Variants in TVP23C observed in about 807,000 individuals in gnomAD.
TVP23C encodes trans-golgi network vesicle protein 23 homolog C, also known as Golgi apparatus membrane protein TVP23 homolog C.
In TVP23C, 19 loss-of-function variants were observed where a neutral mutation model predicts 28.7. The ratio of observed to expected loss-of-function variants is 0.66; its 90% confidence interval spans 0.46 to 0.97. TVP23C has a LOEUF of 0.97. Among genes scored for constraint, TVP23C ranks in the 50% least tolerant of loss-of-function variants. The probability of loss-of-function intolerance (pLI) is 0.00; values close to 1 mark genes in which losing one functional copy is unlikely to be tolerated. For missense variants in TVP23C, 186 were observed against 241.3 expected, an observed-to-expected ratio of 0.77 and a Z score of 1.52; for synonymous variants, 68 against 81.7, an observed-to-expected ratio of 0.83 and a Z score of 0.90.
chr17:15,538,398 G>A lies in TVP23C; in HGVS notation c.*2014C>T, dbSNP rs568898425. ...GAGGTCAGGAGATCGAGACCCTCCT[G>A]GCTAACACAGTGAAACCCCGTCTCT... On this transcript the variant is annotated 3_prime_UTR_variant, in exon 6 of 6. Coordinates refer to ENST00000518321, the MANE Select transcript of TVP23C (RefSeq NM_001135036.2). The A allele has an allele frequency of 3.7e-6, 3 of 815,208 alleles. No homozygotes were observed. The highest frequency in any genetic ancestry group is 5.6e-5 in the South Asian group (1 of 17,926). The allele number at this position is 815,208 out of a possible 1,614,324, so 50.5% of individuals were successfully genotyped here.
intron 5 of TVP23C, among the ~76,000 whole-genome samples, chr17:15,541,792 T>C (rs1009121013): frequency 7.9e-5 from 12 of 152,188 alleles, no homozygotes; most frequent in Non-Finnish European, 1.5e-5. Flanking sequence ...TAAAACTGTG[T>C]ATTTATTTGA....
rs1191178559 is a variant in TVP23C at position 15,551,596 on chromosome 17, G to A, written c.240+2089C>T. ...AGCCTATCCAACCCTCTGCCCACAG[G>A]CCTCATGCTGCCCAGGACAGCTTTG... is the stretch of plus-strand genomic sequence containing the variant. On this transcript the variant is annotated intron_variant, in intron 3 of 5. Transcript: ENST00000518321. Among the ~76,000 whole-genome samples, 8 of 151,922 alleles carry A rather than the reference G, an allele frequency of 5.3e-5. No homozygotes were observed. The East Asian group carries it at 1.5e-3, about 29-fold the overall frequency.
chr17:15,508,297 T>A (rs7209897), intron 5 of TVP23C, among the ~76,000 whole-genome samples: 3 of 152,050 alleles, frequency 2.0e-5, no homozygotes, highest in Admixed American at 2.0e-4. Flanking sequence ...CTGCCCCTCA[T>A]TGGAGATGAG....
In TVP23C at chr17:15,542,626, G is replaced by A. The variant is rs528297473; in HGVS notation, c.463-2065C>T. Among the ~76,000 whole-genome samples the A allele has an allele frequency of 2.3e-3, 350 of 152,104 alleles. 2 individuals are homozygous for A. The highest frequency in any genetic ancestry group is 8.2e-3 in the African/African-American group (341 of 41,504). ...CGAGTAACTGGGACTACAGGTGCCT[G>A]CCACCACACCCGGCTAATTTTTTTA... On this transcript the variant is annotated intron_variant, in intron 5 of 5. Transcript: ENST00000518321.
chr17:15,543,933 CATAA>C (rs1431421130), intron 5 of TVP23C, among the ~76,000 whole-genome samples: 1 of 151,924 alleles, frequency 6.6e-6, no homozygotes, highest in African/African-American at 2.4e-5. Context: ...AACCATAGAA[CATAA>C]ATAAATGCAA....
chr17:15,513,140 A>G lies in TVP23C; in HGVS notation c.463-9908T>C, dbSNP rs147916993. ...CATCATCAGATTTGAGTGGGGGAGT[A>G]TTGGGGGCTCCAGAAGGCCAGGAAC... On this transcript the variant is annotated intron_variant, in intron 5 of 5. Coordinates refer to the TVP23C transcript ENST00000225576. 5.5e-4 allele frequency among the ~76,000 whole-genome samples: 84 copies of G among 152,292 alleles called. 2 individuals are homozygous for G. The East Asian group carries it at 0.012, about 21-fold the overall frequency.
intron 4 of TVP23C, among the ~76,000 whole-genome samples, 180 bp downstream of exon 4, chr17:15,546,879 T>C (rs540757890): frequency 6.6e-6 from 1 of 152,088 alleles, no homozygotes; most frequent in East Asian, 1.9e-4. Flanking sequence ...ATTGCTTGTT[T>C]CTGGTCTGAA....
intron 5 of TVP23C, among the ~76,000 whole-genome samples, chr17:15,504,690 T>C (rs1000371847): frequency 6.6e-6 from 1 of 152,062 alleles, no homozygotes; most frequent in Non-Finnish European, 1.5e-5. Flanking sequence ...CGCACCACCA[T>C]GCCCAGCACA....
downstream of TVP23C, among the ~76,000 whole-genome samples, chr17:15,536,220 G>A (rs887934285): frequency 1.8e-4 from 27 of 152,164 alleles, no homozygotes; most frequent in African/African-American, 6.3e-4. Context: ...AAGTAGTTCA[G>A]GGCTACTATA....
intron 5 of TVP23C, among the ~76,000 whole-genome samples, chr17:15,527,997 ATCTTT>A (rs1196234795): frequency 1.3e-5 from 2 of 152,218 alleles, no homozygotes; most frequent in African/African-American, 4.8e-5. Context: ...CATTAGTGGT[ATCTTT>A]TCTTTCAATC....
At chr17:15,534,377 A>C (rs1351231616), downstream of TVP23C, among the ~76,000 whole-genome samples, 1 of 152,172 alleles carries the variant, frequency 6.6e-6, no homozygotes, top group East Asian at 1.9e-4. Context: ...ACTACATGCA[A>C]CCTTCAATAA....
At chr17:15,533,649 T>C (rs1043315270), downstream of TVP23C, among the ~76,000 whole-genome samples, 4 of 152,150 alleles carry the variant, frequency 2.6e-5, no homozygotes, top group Non-Finnish European at 4.4e-5. Context: ...CAACACACTT[T>C]TACACAAGAG....
chr17:15,502,773 ACT>A (rs1981516148), exon 6 of TVP23C: 11 of 1,384,434 alleles, frequency 7.9e-6, no homozygotes, highest in African/African-American at 1.7e-5. Flanking sequence ...CTTCTCCGTC[ACT>A]CTCTTCCCTC....
chr17:15,522,011 A>C (rs1982501933), intron 5 of TVP23C, among the ~76,000 whole-genome samples: 1 of 152,234 alleles, frequency 6.6e-6, no homozygotes, highest in South Asian at 2.1e-4. Context: ...CTCACATTCT[A>C]ATCACCAAAA....
exon 6 of TVP23C, chr17:15,502,778 C>G (rs1428116270): frequency 1.4e-6 from 2 of 1,457,102 alleles, no homozygotes; most frequent in Non-Finnish European, 1.8e-6. Flanking sequence ...CCGTCACTCT[C>G]TTCCCTCCCT....
chr17:15,543,261 C>T (rs901133326), intron 5 of TVP23C, among the ~76,000 whole-genome samples: 1 of 148,894 alleles, frequency 6.7e-6, no homozygotes, highest in East Asian at 1.9e-4. Context: ...CCTCAGACAT[C>T]AGGAGAAGGT....
Position 15,527,187 on chromosome 17 carries a change from A to G in TVP23C, c.462+18598T>C, listed in dbSNP as rs1437947863. 7.9e-5 allele frequency among the ~76,000 whole-genome samples: 12 copies of G among 152,204 alleles called. No individual in the cohort carries two copies. In the East Asian group the frequency reaches 2.3e-3, roughly 29 times the overall value. On this transcript the variant is annotated intron_variant, in intron 5 of 5. Transcript: ENST00000225576. The stretch of plus-strand genomic sequence containing the variant: ...AAGGAAAGTAACTTTGAAAAAACCA[A>G]TCCACTTTGTGTTCTTTGTTTCTGC...
chr17:15,544,370 C>T (rs899509293), intron 5 of TVP23C, among the ~76,000 whole-genome samples: 2 of 152,044 alleles, frequency 1.3e-5, no homozygotes, highest in African/African-American at 4.8e-5. Flanking sequence ...ACTGAACAAC[C>T]AGTAAGAAAT....
chr17:15,541,720 T>C (rs1000275774), intron 5 of TVP23C, among the ~76,000 whole-genome samples: 9 of 152,318 alleles, frequency 5.9e-5, no homozygotes, highest in Middle Eastern at 3.4e-3. Flanking sequence ...TGTTCTAAAC[T>C]TATGTTTCAT....
Sources: gnomAD v4.1 joint callset for allele counts (sites outside exome capture counted in the v4.1 genomes callset) on GRCh38, gnomAD v4.1.1 for gene constraint, MANE v1.5 for transcripts, NCBI Gene and HGNC (gene_info 2026-07-23, HGNC 2026-07-21) for gene names.